The following GABRG3 variants were observed in gnomAD, a reference collection of about 807,000 sequenced individuals.
GABRG3 encodes gamma-aminobutyric acid type A receptor subunit gamma3, also known as gamma-aminobutyric acid receptor subunit gamma-3.
In GABRG3, 25 loss-of-function variants were observed where a neutral mutation model predicts 48.8. The observed-to-expected ratio is 0.51, with a 90% CI of 0.37 to 0.72. The LOEUF (loss-of-function observed/expected upper bound fraction) is 0.72. GABRG3 is among the 30% of genes least tolerant of loss of function. The pLI, the probability that GABRG3 is intolerant of heterozygous loss-of-function variation, is 0.00. For missense variants in GABRG3, 394 were observed against 577.9 expected (o/e 0.68, Z 3.26); for synonymous variants, 227 against 217.6 (o/e 1.04, Z -0.38).
chr15:27,293,702 CAG>C (rs1413480008), intron 3 of GABRG3, among the ~76,000 whole-genome samples: 2 of 150,136 alleles, frequency 1.3e-5, no homozygotes, highest in African/African-American at 4.9e-5. Context: ...AAAAAAAAAA[CAG>C]AACAAAACTG....
At chr15:27,476,729 GGAGAA>G (rs999975202) in intron 5 of GABRG3, among the ~76,000 whole-genome samples, 10 of 152,254 alleles carry the variant, frequency 6.6e-5, no homozygotes, top group South Asian at 2.1e-4. Context: ...GAATCTCAGA[GGAGAA>G]GAGAAGAGAA....
chr15:27,276,438 G>T (rs1891257122), intron 3 of GABRG3, among the ~76,000 whole-genome samples: 1 of 152,106 alleles, frequency 6.6e-6, no homozygotes, highest in South Asian at 2.1e-4. Flanking sequence ...AGAGTTCTGT[G>T]GTCTGGCCAT....
intron 5 of GABRG3, among the ~76,000 whole-genome samples, chr15:27,391,578 C>G (rs1334326478): frequency 2.0e-5 from 3 of 152,122 alleles, no homozygotes; most frequent in Non-Finnish European, 4.4e-5. Context: ...GCCCTGGCTG[C>G]CACTGATCAG....
intron 3 of GABRG3, among the ~76,000 whole-genome samples, chr15:27,056,895 T>G (rs1317428850): frequency 6.6e-6 from 1 of 152,202 alleles, no homozygotes; most frequent in Non-Finnish European, 1.5e-5. Flanking sequence ...AAGCACCTTC[T>G]CATCATCTAG....
chr15:27,037,205 A>G (rs1896194163), intron 3 of GABRG3, among the ~76,000 whole-genome samples: 1 of 152,196 alleles, frequency 6.6e-6, no homozygotes, highest in Admixed American at 6.5e-5. Context: ...CCCGGAGAGA[A>G]AACACATTTG....
chr15:27,205,290 T>A (rs184033515), intron 3 of GABRG3, among the ~76,000 whole-genome samples: 1 of 152,098 alleles, frequency 6.6e-6, no homozygotes, highest in East Asian at 1.9e-4. Context: ...TACAGAAAGT[T>A]TTTTTGTCTC....
chr15:27,276,198 C>G (rs1595631081), intron 3 of GABRG3, among the ~76,000 whole-genome samples: 1 of 152,138 alleles, frequency 6.6e-6, no homozygotes, highest in Non-Finnish European at 1.5e-5. Flanking sequence ...TAGGCCTTCC[C>G]TTGAGGAAGC....
intron 5 of GABRG3, among the ~76,000 whole-genome samples, chr15:27,353,550 TCTC>T (rs1472818257): frequency 6.6e-6 from 1 of 151,906 alleles, no homozygotes; most frequent in South Asian, 2.1e-4. Flanking sequence ...TTCAAGCAAT[TCTC>T]CTACCTCAGC....
chr15:27,281,202 C>A (rs1490631021), intron 3 of GABRG3, among the ~76,000 whole-genome samples: 6 of 152,226 alleles, frequency 3.9e-5, no homozygotes, highest in Admixed American at 3.9e-4. Context: ...TATTAAATTT[C>A]ATGGAGTTTC....
chr15:27,307,038 A>ACATGTTTATATATAAACATATATAGT (rs1566769941), intron 3 of GABRG3, among the ~76,000 whole-genome samples: 1 of 84,166 alleles, frequency 1.2e-5, no homozygotes, highest in Non-Finnish European at 2.3e-5. Context: ...ACATGTATAA[A>ACATGTTTATATATAAACATATATAGT]ATAAACATGT....
At chr15:27,313,519 G>A (rs575583875) in intron 3 of GABRG3, among the ~76,000 whole-genome samples, 1 of 150,902 alleles carries the variant, frequency 6.6e-6, no homozygotes, top group South Asian at 2.1e-4. Flanking sequence ...TCCACCCAAC[G>A]GCAGCAGAAT....
Position 27,254,036 on chromosome 15 carries a change from A to G in GABRG3, c.271-72773A>G, listed in dbSNP as rs528803280. ...TCTCATGCTTGAAATTAATTGTCCA[A>G]ATTACTGACTATAATAACCTTGCTT... is the stretch of plus-strand genomic sequence containing the variant. On this transcript the variant is annotated intron_variant, in intron 3 of 9. Transcript: ENST00000615808. 3.9e-5 allele frequency among the ~76,000 whole-genome samples: 6 copies of G among 152,306 alleles called. No individual in the cohort carries two copies. The East Asian group carries it at 1.2e-3, about 29-fold the overall frequency.
At chr15:27,401,645 C>A (rs1359843760) in intron 5 of GABRG3, among the ~76,000 whole-genome samples, 1 of 152,196 alleles carries the variant, frequency 6.6e-6, no homozygotes, top group Admixed American at 6.5e-5. Context: ...ACCAGGTTCA[C>A]GTCTTGACCT....
chr15:27,394,928 T>C (rs1887255801), intron 5 of GABRG3, among the ~76,000 whole-genome samples: 1 of 152,154 alleles, frequency 6.6e-6, no homozygotes, highest in Admixed American at 6.5e-5. Flanking sequence ...TGCTTAGGTG[T>C]GGAGTTCATT....
At chr15:27,445,654 G>A (rs574800183) in intron 5 of GABRG3, among the ~76,000 whole-genome samples, 1 of 152,194 alleles carries the variant, frequency 6.6e-6, no homozygotes, top group Non-Finnish European at 1.5e-5. Context: ...CTTTCTTAAT[G>A]ATAATTTTTG....
At chr15:27,274,021 TGA>T (rs1891173256) in intron 3 of GABRG3, among the ~76,000 whole-genome samples, 1 of 152,202 alleles carries the variant, frequency 6.6e-6, no homozygotes, top group South Asian at 2.1e-4. Flanking sequence ...GTTGTTGGTG[TGA>T]GACCTCAGCT....
chr15:27,170,191 T>C (rs149676888), intron 3 of GABRG3, among the ~76,000 whole-genome samples: 1 of 152,272 alleles, frequency 6.6e-6, no homozygotes, highest in Non-Finnish European at 1.5e-5. Context: ...TTCATTTCTT[T>C]AAAAGATGTT....
At chr15:27,045,883 A>G (rs896411811) in intron 3 of GABRG3, among the ~76,000 whole-genome samples, 2 of 152,160 alleles carry the variant, frequency 1.3e-5, no homozygotes, top group African/African-American at 4.8e-5. Context: ...GTCCTCATGC[A>G]GGGGCCGATG....
intron 3 of GABRG3, among the ~76,000 whole-genome samples, chr15:27,262,874 G>GT (rs758545667): frequency 1.3e-5 from 2 of 152,110 alleles, no homozygotes; most frequent in African/African-American, 4.8e-5. Context: ...TAACTTATAT[G>GT]TTTCCTCTTT....
Sources: gnomAD v4.1 joint callset for allele counts (sites outside exome capture counted in the v4.1 genomes callset) on GRCh38, gnomAD v4.1.1 for gene constraint, MANE v1.5 for transcripts, NCBI Gene and HGNC (gene_info 2026-07-23, HGNC 2026-07-21) for gene names.